DPYD: variants seen among roughly 807,000 people sequenced by gnomAD.
DPYD encodes dihydropyrimidine dehydrogenase [NADP(+)].
Under a neutral mutation model 116.2 loss-of-function variants are expected in DPYD, and 109 were observed. The ratio of observed to expected loss-of-function variants is 0.94; its 90% CI spans 0.80 to 1.10. The LOEUF is 1.10. DPYD is among the 50% of genes least tolerant of loss of function. The pLI, the probability that DPYD is intolerant of heterozygous loss-of-function variation, is 0.00. For synonymous variants in DPYD, 440 were observed against 432.0 expected, an observed-to-expected ratio of 1.02 and a Z score of -0.23; for missense variants, 1,302 against 1,254.5, an observed-to-expected ratio of 1.04 and a Z score of -0.57.
chr1:97,260,411 G>T (rs1267707878), intron 18 of DPYD, among the ~76,000 whole-genome samples: 1 of 151,876 alleles, frequency 6.6e-6, no homozygotes, highest in African/African-American at 2.4e-5. Flanking sequence ...AAAATATAGA[G>T]ATATAGCCAA....
At chr1:97,216,698 G>T (rs948231985) in intron 19 of DPYD, among the ~76,000 whole-genome samples, 3 of 152,232 alleles carry the variant, frequency 2.0e-5, no homozygotes, top group Middle Eastern at 3.4e-3. Context: ...AGAAGACTGA[G>T]GCAGGAGAAT....
chr1:97,495,264 C>T (rs1679199822), intron 13 of DPYD, among the ~76,000 whole-genome samples: 1 of 151,972 alleles, frequency 6.6e-6, no homozygotes, highest in African/African-American at 2.4e-5. Flanking sequence ...GATGTCAAAA[C>T]ATACTTTGGG....
At chr1:97,739,835 A>C (rs982686978) in intron 4 of DPYD, among the ~76,000 whole-genome samples, 2 of 152,112 alleles carry the variant, frequency 1.3e-5, no homozygotes, top group African/African-American at 4.8e-5. Flanking sequence ...ATTTTTAAAA[A>C]AAAATAAAGA....
chr1:97,276,063 T>G (rs901087654), intron 18 of DPYD, among the ~76,000 whole-genome samples: 1 of 152,184 alleles, frequency 6.6e-6, no homozygotes, highest in Non-Finnish European at 1.5e-5. Flanking sequence ...ATTTATGTAT[T>G]CAGTTCTTTC....
intron 13 of DPYD, among the ~76,000 whole-genome samples, chr1:97,456,665 G>C (rs1455738948): frequency 6.6e-6 from 1 of 152,022 alleles, no homozygotes; most frequent in Non-Finnish European, 1.5e-5. Context: ...CAGATGCTCA[G>C]GTAAACAATG....
At chr1:97,235,313 T>C (rs1661841993) in intron 18 of DPYD, among the ~76,000 whole-genome samples, 1 of 152,188 alleles carries the variant, frequency 6.6e-6, no homozygotes, top group Non-Finnish European at 1.5e-5. Flanking sequence ...TATACAGTAA[T>C]GTGTAAAAGA....
intron 12 of DPYD, among the ~76,000 whole-genome samples, chr1:97,516,176 A>C (rs1282879957): frequency 1.3e-5 from 2 of 152,004 alleles, no homozygotes; most frequent in African/African-American, 4.8e-5. Context: ...CAATTAAATC[A>C]ACAAACAACT....
At chr1:97,601,155 T>C (rs940173674) in intron 8 of DPYD, among the ~76,000 whole-genome samples, 3 of 152,112 alleles carry the variant, frequency 2.0e-5, no homozygotes, top group African/African-American at 7.2e-5. Flanking sequence ...TAAAATTGCT[T>C]AATCCTGTGG....
intron 8 of DPYD, among the ~76,000 whole-genome samples, chr1:97,631,766 C>T (rs371467051): frequency 1.0e-3 from 155 of 151,878 alleles, no homozygotes; most frequent in Non-Finnish European, 1.6e-3. Context: ...TTTAAAGTTA[C>T]GGGAGTGGGT....
intron 20 of DPYD, among the ~76,000 whole-genome samples, chr1:97,130,771 TC>T (rs1653236921): frequency 2.4e-5 from 1 of 41,592 alleles, no homozygotes; most frequent in Non-Finnish European, 5.1e-5. Context: ...CTTCCTTCCT[TC>T]CTTCCTTTCC....
intron 4 of DPYD, 116 bp downstream of exon 4, chr1:97,740,276 T>C: frequency 1.3e-6 from 1 of 790,486 alleles, no homozygotes. Context: ...CCTATAGAAG[T>C]CATATTTAAT....
intron 12 of DPYD, among the ~76,000 whole-genome samples, chr1:97,517,798 C>A (rs1648338922): frequency 6.6e-6 from 1 of 152,060 alleles, no homozygotes; most frequent in African/African-American, 2.4e-5. Context: ...AGCCAACTTG[C>A]CTTTGATGGC....
chr1:97,724,486 G>A (rs1244077675), intron 4 of DPYD, among the ~76,000 whole-genome samples: 1 of 151,522 alleles, frequency 6.6e-6, no homozygotes, highest in African/African-American at 2.4e-5. Context: ...GTCTCAGTTG[G>A]AAGGCCTGAG....
chr1:97,665,652 A>G (rs1482753557), intron 8 of DPYD, among the ~76,000 whole-genome samples: 1 of 152,090 alleles, frequency 6.6e-6, no homozygotes, highest in Non-Finnish European at 1.5e-5. Context: ...ATATCCAGGT[A>G]TTTTTCTTAT....
chr1:97,348,995 A>G (rs547590829), intron 16 of DPYD, among the ~76,000 whole-genome samples: 10 of 152,186 alleles, frequency 6.6e-5, no homozygotes, highest in Non-Finnish European at 1.2e-4. Flanking sequence ...AAAGCAAGTA[A>G]TATAACCTGG....
chr1:97,440,063 G>T (rs1254108883), intron 14 of DPYD, among the ~76,000 whole-genome samples: 1 of 152,056 alleles, frequency 6.6e-6, no homozygotes, highest in Non-Finnish European at 1.5e-5. Flanking sequence ...ATCACCTGAG[G>T]TCGGGAGTTC....
intron 18 of DPYD, among the ~76,000 whole-genome samples, chr1:97,277,521 C>G (rs1665020842): frequency 6.6e-6 from 1 of 152,162 alleles, no homozygotes; most frequent in East Asian, 1.9e-4. Flanking sequence ...AATGGCACTA[C>G]TGTTTGTTCA....
intron 19 of DPYD, among the ~76,000 whole-genome samples, chr1:97,224,869 T>C (rs1661010315): frequency 2.0e-5 from 3 of 152,016 alleles, no homozygotes; most frequent in Non-Finnish European, 4.4e-5. Flanking sequence ...CAAAACTCCA[T>C]TGCGTATATA....
At chr1:97,893,989 T>C (rs570702424) in intron 1 of DPYD, among the ~76,000 whole-genome samples, 1 of 152,024 alleles carries the variant, frequency 6.6e-6, no homozygotes, top group South Asian at 2.1e-4. Flanking sequence ...CCAAAGGTAG[T>C]GACTAATTCT....
Sources: gnomAD v4.1 joint callset for allele counts (sites outside exome capture counted in the v4.1 genomes callset) on GRCh38, gnomAD v4.1.1 for gene constraint, MANE v1.5 for transcripts, NCBI Gene and HGNC (gene_info 2026-07-23, HGNC 2026-07-21) for gene names.